The following OPHN1 variants were observed in gnomAD, a reference collection of about 807,000 sequenced individuals.
The protein encoded by OPHN1 is oligophrenin-1.
Under a neutral mutation model 60.7 loss-of-function variants are expected in OPHN1, and 11 were observed. The ratio of observed to expected loss-of-function variants is 0.18; its 90% CI spans 0.11 to 0.30. The LOEUF is 0.30. Ranked by LOEUF, OPHN1 falls within the 10% of genes least tolerant of loss-of-function variation. The pLI is 1.00. For missense variants in OPHN1, 449 were observed against 611.0 expected (o/e 0.73, Z 2.80); for synonymous variants, 226 against 222.6 (o/e 1.02, Z -0.14).
chrX:68,267,174 A>G (rs1344532075), intron 5 of OPHN1, among the ~76,000 whole-genome samples: 1 of 111,527 alleles, frequency 9.0e-6, no homozygotes, highest in Non-Finnish European at 1.9e-5. Context: ...TGCAGCAAGC[A>G]GACCTAATAG....
chrX:68,052,378 G>T (rs753459369), intron 23 of OPHN1, among the ~76,000 whole-genome samples, 162 bp downstream of exon 23: 1 of 111,337 alleles, frequency 9.0e-6, no homozygotes, highest in African/African-American at 3.3e-5. Context: ...GTGACAGACA[G>T]ATAGGGATGG....
At chrX:68,322,420 AC>A (rs1009436746) in intron 2 of OPHN1, among the ~76,000 whole-genome samples, 2 of 112,061 alleles carry the variant, frequency 1.8e-5, no homozygotes, top group Non-Finnish European at 3.8e-5. Context: ...AATGGAAATG[AC>A]TAAAATGTCC....
intron 15 of OPHN1, among the ~76,000 whole-genome samples, chrX:68,156,704 TA>T (rs2077311174): frequency 8.9e-6 from 1 of 111,914 alleles, no homozygotes; most frequent in Non-Finnish European, 1.9e-5. Context: ...TTCATGTTGT[TA>T]TGCATCAGTA....
At chrX:68,094,007 A>G (rs182474102) in intron 19 of OPHN1, among the ~76,000 whole-genome samples, 1,133 of 110,188 alleles carry the variant, frequency 0.01, 13 homozygotes, top group African/African-American at 0.035. Flanking sequence ...ACAGTTTTCT[A>G]TATTATCTTC....
At chrX:68,282,932 T>C in intron 4 of OPHN1, 124 bp downstream of exon 4, 1 of 531,045 alleles carries the variant, frequency 1.9e-6, no homozygotes, top group Non-Finnish European at 3.2e-6. Flanking sequence ...TAACTATTTT[T>C]ATAGCACCAA....
chrX:68,118,946 C>A (rs1194095388), intron 16 of OPHN1, among the ~76,000 whole-genome samples: 8 of 112,168 alleles, frequency 7.1e-5, no homozygotes, highest in Non-Finnish European at 1.9e-5. Flanking sequence ...GTGAATCCAT[C>A]ACAACATCAC....
At chrX:68,222,171 T>C (rs1465183712) in intron 6 of OPHN1, among the ~76,000 whole-genome samples, 2 of 108,569 alleles carry the variant, frequency 1.8e-5, no homozygotes, top group African/African-American at 3.4e-5. Flanking sequence ...AAAAAACACA[T>C]GAAAAAATGC....
intron 3 of OPHN1, among the ~76,000 whole-genome samples, chrX:68,291,265 A>G (rs1284160602): frequency 4.5e-5 from 5 of 112,081 alleles, no homozygotes; most frequent in Non-Finnish European, 7.5e-5. Flanking sequence ...AGGGAGAAAG[A>G]GTAAATGGCA....
intron 2 of OPHN1, among the ~76,000 whole-genome samples, chrX:68,379,460 C>G (rs2147740748): frequency 9.5e-6 from 1 of 105,395 alleles, no homozygotes; most frequent in East Asian, 3.0e-4. Flanking sequence ...GAACTTCCAA[C>G]ACTATGTTGA....
chrX:68,147,889 T>C (rs2077270243), intron 15 of OPHN1, among the ~76,000 whole-genome samples: 1 of 111,835 alleles, frequency 8.9e-6, no homozygotes, highest in African/African-American at 3.2e-5. Flanking sequence ...CCTGTTTTCC[T>C]GTAATCAAGG....
chrX:68,050,510 A>G (rs1035558567), intron 23 of OPHN1, among the ~76,000 whole-genome samples: 1 of 111,448 alleles, frequency 9.0e-6, no homozygotes, highest in Non-Finnish European at 1.9e-5. Context: ...CACACTCTCA[A>G]CACCAGTTTG....
intron 23 of OPHN1, among the ~76,000 whole-genome samples, chrX:68,049,324 G>T (rs766323496): frequency 2.1e-4 from 24 of 111,816 alleles, no homozygotes; most frequent in African/African-American, 7.5e-4. Flanking sequence ...AAATCACTGT[G>T]TCCAAAATTG....
intron 15 of OPHN1, among the ~76,000 whole-genome samples, chrX:68,152,502 G>A (rs1271207012): frequency 9.3e-6 from 1 of 107,542 alleles, no homozygotes; most frequent in Non-Finnish European, 1.9e-5. Flanking sequence ...GAGTGCAGTG[G>A]CAAAATCACA....
intron 6 of OPHN1, among the ~76,000 whole-genome samples, chrX:68,232,333 C>G (rs953059761): frequency 9.0e-6 from 1 of 111,349 alleles, no homozygotes; most frequent in Non-Finnish European, 1.9e-5. Flanking sequence ...CGTACACAGC[C>G]GACTGAGCAA....
At chrX:68,110,077 T>C (rs142199029) in intron 18 of OPHN1, among the ~76,000 whole-genome samples, 264 of 111,025 alleles carry the variant, frequency 2.4e-3, no homozygotes, top group African/African-American at 7.2e-3. Flanking sequence ...ACTGAATGTG[T>C]AGATTTGTTA....
intron 21 of OPHN1, among the ~76,000 whole-genome samples, chrX:68,060,909 G>T (rs761659835): frequency 1.8e-5 from 2 of 112,219 alleles, no homozygotes; most frequent in Non-Finnish European, 3.8e-5. Context: ...AGAGCTGTGT[G>T]TGGCTTTTGC....
chrX:68,332,902 T>A (rs762834352), intron 2 of OPHN1, among the ~76,000 whole-genome samples: 19 of 110,801 alleles, frequency 1.7e-4, no homozygotes, highest in African/African-American at 6.2e-4. Flanking sequence ...AGCAAACAGA[T>A]TCTGCTGCCT....
intron 6 of OPHN1, among the ~76,000 whole-genome samples, chrX:68,231,639 A>T (rs2077729499): frequency 8.9e-6 from 1 of 112,001 alleles, no homozygotes; most frequent in South Asian, 3.7e-4. Context: ...TATCAAGTCA[A>T]GAAAAGATAT....
At chrX:68,259,479 T>A (rs781166156) in intron 5 of OPHN1, among the ~76,000 whole-genome samples, 41 of 111,069 alleles carry the variant, frequency 3.7e-4, no homozygotes, top group African/African-American at 1.2e-3. Context: ...TAAGAAATCA[T>A]GAGAAAAAAA....
Sources: gnomAD v4.1 joint callset for allele counts (sites outside exome capture counted in the v4.1 genomes callset) on GRCh38, gnomAD v4.1.1 for gene constraint, MANE v1.5 for transcripts, NCBI Gene and HGNC (gene_info 2026-07-23, HGNC 2026-07-21) for gene names.